Variants in PRKG1 observed in about 807,000 individuals in gnomAD.
PRKG1 encodes the protein protein kinase cGMP-dependent 1.
PRKG1 carries 35 observed loss-of-function variants against 88.1 expected under a neutral mutation model. The observed-to-expected ratio is 0.40, with a 90% CI of 0.30 to 0.53. The LOEUF (loss-of-function observed/expected upper bound fraction) is 0.53. Ranked by LOEUF, PRKG1 falls within the 20% of genes least tolerant of loss-of-function variation. PRKG1 has a pLI of 0.59. For synonymous variants in PRKG1, 303 were observed against 292.5 expected (o/e 1.04, Z -0.37); for missense variants, 540 against 839.8 (o/e 0.64, Z 4.41).
chr10:51,285,839 G>A (rs1208382836), intron 2 of PRKG1, among the ~76,000 whole-genome samples: 3 of 152,200 alleles, frequency 2.0e-5, no homozygotes, highest in Non-Finnish European at 2.9e-5. Context: ...GACAGTAACT[G>A]TTCATGAAAC....
chr10:51,751,617 T>A (rs552327017), intron 3 of PRKG1, among the ~76,000 whole-genome samples: 4 of 152,320 alleles, frequency 2.6e-5, no homozygotes, highest in Admixed American at 1.3e-4. Flanking sequence ...ATACTAATTA[T>A]TTTATTGTCT....
intron 4 of PRKG1, among the ~76,000 whole-genome samples, chr10:51,818,261 A>G (rs1420325272): frequency 2.6e-5 from 4 of 152,182 alleles, no homozygotes; most frequent in Non-Finnish European, 5.9e-5. Context: ...GCCTACATTA[A>G]GGATACATTG....
rs1188505653 is a variant in PRKG1, at chr10:52,244,912, AT to A, written c.1077-6657del. 2.5e-3 allele frequency among the ~76,000 whole-genome samples: 12 copies of A among 4,778 alleles called. 1 individual carries two copies. The highest frequency in any genetic ancestry group is 0.5 in the East Asian group (2 of 4). The allele number at this position is 4,778 out of a possible 152,430, so 3.1% of individuals were successfully genotyped here. A position where few individuals can be genotyped will look rare whatever the true frequency, so the allele number is the denominator to read the frequency against. On this transcript the variant is annotated intron_variant, in intron 9 of 17. Coordinates refer to ENST00000373980, the MANE Select transcript of PRKG1 (RefSeq NM_006258.4). ...ATACTTTTTTAATAAACTTTTTAAA[AT>A]ATATATATATTTAAATATACTTTAA...
At chr10:51,465,927 CT>C (rs1345836114) in intron 2 of PRKG1, among the ~76,000 whole-genome samples, 1 of 152,128 alleles carries the variant, frequency 6.6e-6, no homozygotes, top group Non-Finnish European at 1.5e-5. Flanking sequence ...ATTTTACCTG[CT>C]TTATCTCACT....
At chr10:51,930,482 CTT>C (rs902438171) in intron 5 of PRKG1, among the ~76,000 whole-genome samples, 1 of 127,994 alleles carries the variant, frequency 7.8e-6, no homozygotes, top group Non-Finnish European at 1.6e-5. Context: ...TTAAAAGAAC[CTT>C]TTTTTTTCCT....
chr10:52,232,454 T>A (rs1324267723), intron 9 of PRKG1, among the ~76,000 whole-genome samples: 3 of 152,228 alleles, frequency 2.0e-5, no homozygotes, highest in Admixed American at 2.0e-4. Flanking sequence ...TATTTTGTAT[T>A]ATGTATCTTA....
rs137961882 is a variant in PRKG1, at chr10:51,105,824, C to T, written c.311+30923C>T. Among the ~76,000 whole-genome samples, 389 of 152,226 alleles carry T rather than the reference C, an allele frequency of 2.6e-3. 3 individuals carry two copies. The highest frequency in any genetic ancestry group is 8.7e-3 in the African/African-American group (360 of 41,530). ...TATTGTTTGAGGACACAACATTAAA[C>T]ATAAACTAAACTTTGAATATGGATA... On this transcript the variant is annotated intron_variant, in intron 1 of 17. Transcript: ENST00000373980.
chr10:51,757,614 T>G (rs1837903807), intron 3 of PRKG1, among the ~76,000 whole-genome samples: 1 of 152,068 alleles, frequency 6.6e-6, no homozygotes, highest in Non-Finnish European at 1.5e-5. Flanking sequence ...TAGCCACAAG[T>G]GGTTACTGAG....
intron 2 of PRKG1, among the ~76,000 whole-genome samples, chr10:51,397,313 A>G (rs1837606309): frequency 6.6e-6 from 1 of 152,116 alleles, no homozygotes; most frequent in Non-Finnish European, 1.5e-5. Flanking sequence ...CCTTCTATGT[A>G]GTTACAAATG....
chr10:51,217,065 G>A (rs1030219193), intron 2 of PRKG1, among the ~76,000 whole-genome samples: 1 of 152,052 alleles, frequency 6.6e-6, no homozygotes, highest in Non-Finnish European at 1.5e-5. Flanking sequence ...AAGCTCATGG[G>A]TGATAGTTAA....
intron 2 of PRKG1, among the ~76,000 whole-genome samples, chr10:51,264,427 AT>A (rs1839789639): frequency 6.6e-6 from 1 of 152,224 alleles, no homozygotes; most frequent in South Asian, 2.1e-4. Flanking sequence ...ATTTCAAAGT[AT>A]GTCAAAGAGA....
chr10:51,391,467 T>C (rs1207494987), intron 2 of PRKG1, among the ~76,000 whole-genome samples: 1 of 152,246 alleles, frequency 6.6e-6, no homozygotes, highest in African/African-American at 2.4e-5. Flanking sequence ...TCAATGTATT[T>C]GTTGAGGAAG....
At chr10:52,285,276 T>A (rs1308123434) in intron 14 of PRKG1, among the ~76,000 whole-genome samples, 1 of 152,104 alleles carries the variant, frequency 6.6e-6, no homozygotes, top group Non-Finnish European at 1.5e-5. Flanking sequence ...ATTCCTCTAG[T>A]GATTGGCATT....
chr10:52,190,439 A>C (rs151227505), intron 9 of PRKG1, among the ~76,000 whole-genome samples: 4 of 152,226 alleles, frequency 2.6e-5, no homozygotes, highest in African/African-American at 9.6e-5. Context: ...TTACATTTTT[A>C]ATAAATATGA....
At chr10:51,137,178 C>A (rs919461249) in intron 1 of PRKG1, among the ~76,000 whole-genome samples, 1 of 152,044 alleles carries the variant, frequency 6.6e-6, no homozygotes, top group African/African-American at 2.4e-5. Flanking sequence ...AGTACCGCAC[C>A]CGGCCTAATT....
rs1369724162 is a variant in PRKG1, at chr10:51,616,465, G to A, written c.592+148629G>A. 6.6e-5 allele frequency among the ~76,000 whole-genome samples: 10 copies of A among 152,270 alleles called. No homozygotes were observed. The East Asian group carries it at 1.7e-3, about 27-fold the overall frequency. On this transcript the variant is annotated intron_variant, in intron 3 of 17. Coordinates refer to ENST00000373980, the MANE Select transcript of PRKG1 (RefSeq NM_006258.4). Reference sequence around the variant, plus strand: ...TTGACAGTGGCTGTGGTGGGCTTAGGAAAGCCAGTCTACAGTCCCCCAGGT... The same window carrying A: ...TTGACAGTGGCTGTGGTGGGCTTAGAAAAGCCAGTCTACAGTCCCCCAGGT...
intron 3 of PRKG1, among the ~76,000 whole-genome samples, chr10:51,576,518 TATCCTTTTACAG>T (rs1160705596): frequency 6.6e-6 from 1 of 151,980 alleles, no homozygotes; most frequent in Non-Finnish European, 1.5e-5. Flanking sequence ...TTCCCTAGAA[TATCCTTTTACAG>T]ATCCTTTATA....
intron 2 of PRKG1, among the ~76,000 whole-genome samples, chr10:51,215,244 A>C (rs1271163041): frequency 6.6e-6 from 1 of 152,240 alleles, no homozygotes; most frequent in Non-Finnish European, 1.5e-5. Context: ...TGTTTGAAGA[A>C]AGAATCCGCA....
intron 1 of PRKG1, among the ~76,000 whole-genome samples, chr10:51,087,286 A>G (rs1239258982): frequency 1.3e-5 from 2 of 149,278 alleles, no homozygotes; most frequent in Admixed American, 1.3e-4. Flanking sequence ...ATGGTCAATT[A>G]TTGATGATGA....
Sources: allele counts gnomAD v4.1 joint callset (sites outside exome capture counted in the v4.1 genomes callset), GRCh38; gene constraint gnomAD v4.1.1; transcripts MANE v1.5; gene names NCBI Gene and HGNC (gene_info 2026-07-23, HGNC 2026-07-21).